The following SMAD7 variants were observed in gnomAD, a reference collection of about 807,000 sequenced individuals.
The protein encoded by SMAD7 is SMAD family member 7.
In SMAD7, 8 loss-of-function variants were observed where a neutral mutation model predicts 38.7. The observed-to-expected ratio is 0.21, with a 90% confidence interval of 0.12 to 0.37. The LOEUF (loss-of-function observed/expected upper bound fraction) is 0.37. SMAD7 is among the 10% of genes least tolerant of loss of function. SMAD7 has a pLI of 1.00. For synonymous variants in SMAD7, 327 were observed against 265.1 expected, an observed-to-expected ratio of 1.23 and a Z score of -2.27; for missense variants, 477 against 577.9, an observed-to-expected ratio of 0.83 and a Z score of 1.79.
intron 2 of SMAD7, among the ~76,000 whole-genome samples, chr18:48,947,896 C>CCT (rs1568306379): frequency 6.9e-6 from 1 of 145,302 alleles, no homozygotes; most frequent in African/African-American, 2.7e-5. Flanking sequence ...GAACCTACCC[C>CCT]CCCCCCCCTT....
intron 2 of SMAD7, among the ~76,000 whole-genome samples, chr18:48,945,331 G>A (rs1022496718): frequency 3.2e-4 from 49 of 152,258 alleles, no homozygotes; most frequent in African/African-American, 1.2e-3. Flanking sequence ...GCATGGTGAC[G>A]GGCACCTGTA....
At chr18:48,947,025 T>G (rs1479791455) in intron 2 of SMAD7, among the ~76,000 whole-genome samples, 1 of 152,140 alleles carries the variant, frequency 6.6e-6, no homozygotes, top group East Asian at 1.9e-4. Context: ...GAAAATGAAC[T>G]TCATAAAAGA....
At position 48,950,141 on chromosome 18, in the gene SMAD7, A is replaced by T; in HGVS notation, c.284T>A (p.Leu95His). The change falls in exon 1 of 4, where the codon CTC becomes CAC. Residue 95 changes from leucine (L) to histidine (H), a missense_variant. Around this residue, in one of 2 missense-constraint regions of SMAD7, gnomAD observed 376 missense variants for 379.4 expected, o/e 0.99. Coordinates refer to ENST00000262158, the MANE Select transcript of SMAD7 (RefSeq NM_005904.4). ...AGGAEADLKA[L>H]THSVLKKLKE... is the part of the protein sequence containing the mutation. ...CAGTTTCTTGAGCACCGAGTGCGTG[A>T]GCGCCTTCAGATCCGCCTCGGCGCC... 1 of 1,495,884 alleles carries T rather than the reference A, an allele frequency of 6.7e-7. No homozygotes were observed. The highest frequency in any genetic ancestry group is 2.9e-5 in the East Asian group (1 of 34,504). 92.7% of individuals were successfully genotyped at this position (1,495,884 alleles called of 1,614,324 possible).
intron 3 of SMAD7, among the ~76,000 whole-genome samples, chr18:48,925,851 A>G: frequency 6.6e-6 from 1 of 151,598 alleles, no homozygotes; most frequent in East Asian, 1.9e-4. Flanking sequence ...GGTTCACGCC[A>G]TTCTCCTGCC....
intron 3 of SMAD7, among the ~76,000 whole-genome samples, chr18:48,940,443 C>T (rs1307120036): frequency 6.6e-6 from 1 of 152,046 alleles, no homozygotes; most frequent in Non-Finnish European, 1.5e-5. Context: ...ACTGGAAGAG[C>T]TTTGGGGAAA....
At chr18:48,941,548 C>T (rs976596181) in intron 3 of SMAD7, among the ~76,000 whole-genome samples, 2 of 152,194 alleles carry the variant, frequency 1.3e-5, no homozygotes, top group Non-Finnish European at 2.9e-5. Context: ...AGCTTCTATT[C>T]GAGCTGCTAC....
At chr18:48,948,476 A>G (rs1263039527) in intron 1 of SMAD7, 39 bp from the exon 2 acceptor site, 4 of 1,404,556 alleles carry the variant, frequency 2.8e-6, no homozygotes, top group Admixed American at 1.9e-5. Context: ...AGGCCCAGCC[A>G]TGAGAAGAGA....
chr18:48,929,569 T>TCTCA (rs3082710), intron 3 of SMAD7, among the ~76,000 whole-genome samples: 71 of 114,618 alleles, frequency 6.2e-4, no homozygotes, highest in African/African-American at 1.7e-3. Flanking sequence ...TCTCTCTCTC[T>TCTCA]CACTCACACA....
At chr18:48,929,550 T>TTCTCTC (rs377221337) in intron 3 of SMAD7, among the ~76,000 whole-genome samples, 2 of 77,526 alleles carry the variant, frequency 2.6e-5, no homozygotes, top group East Asian at 4.1e-4. Flanking sequence ...CTTTCTCTCT[T>TTCTCTC]TCTCTCTCTC....
At chr18:48,943,215 T>C (rs959353649) in intron 2 of SMAD7, among the ~76,000 whole-genome samples, 71 of 152,282 alleles carry the variant, frequency 4.7e-4, no homozygotes, top group African/African-American at 1.7e-3. Context: ...CCCAGGCTAG[T>C]CCAAACCCCT....
chr18:48,935,213 T>C (rs1009490663), intron 3 of SMAD7, among the ~76,000 whole-genome samples: 3 of 151,894 alleles, frequency 2.0e-5, no homozygotes, highest in South Asian at 2.1e-4. Flanking sequence ...CAGGTTTAGG[T>C]AGAGTGGCCG....
rs1246433007 is a variant in SMAD7, at chr18:48,921,686, G to A, written c.967C>T (p.Leu323=). The A allele has an allele frequency of 6.2e-7, 1 of 1,613,166 alleles. No individual in the cohort carries two copies. Among genetic ancestry groups the A allele is most frequent in the Non-Finnish European group, 8.5e-7 (1 of 1,179,638 alleles). ...CACACACCATCCACCTCCCGCGTCA[G>A]CTGGATGCCGCAGCCGATTTTGCTC... is the stretch of plus-strand genomic sequence containing the variant. ...VRSKIGCGIQ[L]TREVDGVWVY... Residue 323 remains leucine, a synonymous_variant, in exon 4 of 4, where the codon CTG becomes TTG. Coordinates refer to ENST00000262158, the MANE Select transcript of SMAD7 (RefSeq NM_005904.4). The surrounding 1 kb of genome is among the most constrained non-coding windows in gnomAD (Gnocchi z 6.4).
At chr18:48,937,472 T>C (rs1006977037) in intron 3 of SMAD7, among the ~76,000 whole-genome samples, 2 of 152,048 alleles carry the variant, frequency 1.3e-5, no homozygotes, top group Non-Finnish European at 2.9e-5. Context: ...CAGCCCAAAT[T>C]TGCTCCAGAG....
At chr18:48,925,432 G>GCCCC (rs67121063) in intron 3 of SMAD7, among the ~76,000 whole-genome samples, 1 of 118,154 alleles carries the variant, frequency 8.5e-6, no homozygotes, top group East Asian at 2.8e-4. Flanking sequence ...TTAAGGTGTT[G>GCCCC]CCCCCCCCCA....
intron 3 of SMAD7, among the ~76,000 whole-genome samples, chr18:48,937,263 CATGTGTGTGTGT>C (rs1207347979): frequency 1.4e-5 from 1 of 69,082 alleles, no homozygotes; most frequent in Non-Finnish European, 3.0e-5. Flanking sequence ...TAAGTAAAGG[CATGTGTGTGTGT>C]GTGTGTGTGT....
chr18:48,938,839 C>T (rs1479629268), intron 3 of SMAD7, among the ~76,000 whole-genome samples: 3 of 152,212 alleles, frequency 2.0e-5, no homozygotes, highest in African/African-American at 7.2e-5. Flanking sequence ...CTACATCAGA[C>T]CTCTCCCAGG....
intron 2 of SMAD7, among the ~76,000 whole-genome samples, chr18:48,943,555 T>C (rs185415014): frequency 2.2e-3 from 336 of 152,368 alleles, no homozygotes; most frequent in Non-Finnish European, 3.6e-3. Flanking sequence ...AAGCTTGTCA[T>C]GCACCACTGG....
In SMAD7 at chr18:48,921,597, G is replaced by A; in HGVS notation, c.1056C>T (p.Ser352=). The stretch of plus-strand genomic sequence containing the variant: ...ACACCTTGTGTACCAACAGCGTCCT[G>A]GAGTCCGGGTTGTCCAGTGTGGCGG... ...IKSATLDNPD[S]RTLLVHKVFP... is the part of the protein sequence containing the mutation. The change falls in exon 4 of 4, where the codon TCC becomes TCT. Residue 352 remains serine, a synonymous_variant. Coordinates refer to ENST00000262158, the MANE Select transcript of SMAD7 (RefSeq NM_005904.4). This position sits in a 1 kb window ranked among gnomAD's most constrained non-coding sequence, Gnocchi z 6.4. The A allele has an allele frequency of 6.2e-7, 1 of 1,614,128 alleles. No homozygotes were observed. Among genetic ancestry groups the A allele is most frequent in the Non-Finnish European group, 8.5e-7 (1 of 1,179,934 alleles).
chr18:48,942,511 T>C lies in SMAD7; in HGVS notation c.712A>G (p.Thr238Ala). 1 of 1,603,986 alleles carries C rather than the reference T, an allele frequency of 6.2e-7. No individual in the cohort carries two copies. The highest frequency in any genetic ancestry group is 8.5e-7 in the Non-Finnish European group (1 of 1,176,592). Residue 238 changes from threonine to alanine, a missense_variant, in exon 3 of 4, where the codon ACG becomes GCG. Physicochemically the swap from Thr to Ala is moderately conservative, Grantham distance 58. Around this residue, in one of 2 missense-constraint regions of SMAD7, gnomAD observed 376 missense variants for 379.4 expected, o/e 0.99. Transcript: ENST00000262158. The part of the protein sequence containing the change: ...AVPSSAETGG[T>A]NYLAPGGLSD... ...AGCCCCCCAGGGGCCAGATAATTCG[T>C]TCCCCCTGTTTCAGCGGAGGAAGGC...
Sources: allele counts gnomAD v4.1 joint callset (sites outside exome capture counted in the v4.1 genomes callset), GRCh38; gene constraint gnomAD v4.1.1; regional missense constraint gnomAD v4.1.1; non-coding constraint Gnocchi (gnomAD v3.1); transcripts MANE v1.5; gene names NCBI Gene and HGNC (gene_info 2026-07-23, HGNC 2026-07-21).